CDK14: variants seen among roughly 807,000 people sequenced by gnomAD.
CDK14 encodes the protein cyclin-dependent kinase 14.
A neutral mutation model predicts 60.7 loss-of-function variants in CDK14; 34 were observed. The observed-to-expected ratio is 0.56, with a 90% CI of 0.43 to 0.75. CDK14 has a LOEUF of 0.75. CDK14 is among the 30% of genes least tolerant of loss of function. The pLI, the probability that CDK14 is intolerant of heterozygous loss-of-function variation, is 0.00. For missense variants in CDK14, 482 were observed against 564.1 expected (o/e 0.85, Z 1.47); for synonymous variants, 197 against 203.7 (o/e 0.97, Z 0.28).
At chr7:90,680,429 A>C (rs1016103304) in intron 2 of CDK14, among the ~76,000 whole-genome samples, 6 of 152,196 alleles carry the variant, frequency 3.9e-5, no homozygotes, top group Admixed American at 1.3e-4. Context: ...TGAATAGAAG[A>C]GCACCAGTTT....
chr7:90,683,085 C>T (rs1274024434), intron 2 of CDK14, among the ~76,000 whole-genome samples: 1 of 152,122 alleles, frequency 6.6e-6, no homozygotes, highest in Non-Finnish European at 1.5e-5. Context: ...ATACAGATGC[C>T]TTGCTCCTCA....
chr7:90,815,685 A>G (rs2117059315), intron 5 of CDK14, among the ~76,000 whole-genome samples: 1 of 152,382 alleles, frequency 6.6e-6, no homozygotes, highest in African/African-American at 2.4e-5. Context: ...CATCAACGAT[A>G]GACTGGATAA....
intron 6 of CDK14, among the ~76,000 whole-genome samples, chr7:90,864,401 T>TA (rs1791107774): frequency 6.6e-6 from 1 of 152,212 alleles, no homozygotes; most frequent in African/African-American, 2.4e-5. Context: ...GTTAATAATG[T>TA]ATTCCAGCTG....
intron 12 of CDK14, among the ~76,000 whole-genome samples, chr7:91,092,835 C>T (rs764957777): frequency 6.6e-6 from 1 of 152,142 alleles, no homozygotes; most frequent in Non-Finnish European, 1.5e-5. Context: ...AAAAGTCACT[C>T]CTTAAATTAC....
chr7:91,094,847 C>CA (rs1272573053), intron 12 of CDK14, among the ~76,000 whole-genome samples: 1 of 152,170 alleles, frequency 6.6e-6, no homozygotes, highest in Non-Finnish European at 1.5e-5. Context: ...CATTAGCACC[C>CA]AACCCCACAT....
chr7:91,133,525 T>C (rs1800177823), intron 14 of CDK14, among the ~76,000 whole-genome samples: 2 of 152,184 alleles, frequency 1.3e-5, no homozygotes, highest in Non-Finnish European at 2.9e-5. Flanking sequence ...TGAAATATGA[T>C]ACAGTCTTGA....
chr7:90,840,281 T>A (rs1187050797), intron 5 of CDK14, among the ~76,000 whole-genome samples: 1 of 152,108 alleles, frequency 6.6e-6, no homozygotes, highest in East Asian at 1.9e-4. Context: ...ATTGGCAGAG[T>A]GATTTTCCAG....
chr7:90,653,016 T>TTAC (rs1800676816), intron 2 of CDK14, among the ~76,000 whole-genome samples: 1 of 152,174 alleles, frequency 6.6e-6, no homozygotes, highest in Admixed American at 6.5e-5. Flanking sequence ...CCTGTGTGGA[T>TTAC]TACACCAGTG....
At chr7:91,116,680 C>G (rs1420416256) in intron 13 of CDK14, among the ~76,000 whole-genome samples, 2 of 152,128 alleles carry the variant, frequency 1.3e-5, no homozygotes. Context: ...GCTTTTGTGT[C>G]CACAACGCCT....
chr7:91,201,609 C>T (rs751084656), intron 14 of CDK14, among the ~76,000 whole-genome samples: 8 of 152,042 alleles, frequency 5.3e-5, no homozygotes, highest in Non-Finnish European at 1.0e-4. Context: ...ACACAGACCA[C>T]CTGATCACAT....
intron 9 of CDK14, among the ~76,000 whole-genome samples, chr7:90,972,260 A>C (rs1258411046): frequency 3.9e-5 from 6 of 152,236 alleles, no homozygotes; most frequent in Non-Finnish European, 1.5e-5. Flanking sequence ...CTAATGAAGC[A>C]CTAACCACAG....
intron 4 of CDK14, among the ~76,000 whole-genome samples, chr7:90,752,719 AGTTG>A (rs1244767750): frequency 6.6e-6 from 1 of 152,150 alleles, no homozygotes; most frequent in East Asian, 1.9e-4. Context: ...TGAAATCAAA[AGTTG>A]GTTCTTTGAA....
intron 12 of CDK14, 33 bp from the exon 13 acceptor site, chr7:91,112,509 G>T (rs758229206): frequency 6.2e-7 from 1 of 1,600,074 alleles, no homozygotes; most frequent in Non-Finnish European, 8.5e-7. Flanking sequence ...TTTCTTGTTT[G>T]GTCTGACCTC....
At chr7:90,640,283 G>A (rs868736499) in intron 2 of CDK14, among the ~76,000 whole-genome samples, 2 of 151,942 alleles carry the variant, frequency 1.3e-5, no homozygotes, top group Middle Eastern at 3.2e-3. Flanking sequence ...TCTTCCTTAT[G>A]TTTAATAACT....
At chr7:90,717,471 A>G (rs1378479482) in intron 2 of CDK14, among the ~76,000 whole-genome samples, 2 of 152,268 alleles carry the variant, frequency 1.3e-5, no homozygotes, top group Non-Finnish European at 2.9e-5. Context: ...AGCAGCATAA[A>G]GGAATGTGGT....
intron 8 of CDK14, among the ~76,000 whole-genome samples, chr7:90,944,888 T>A (rs1395680603): frequency 1.3e-5 from 2 of 152,204 alleles, no homozygotes; most frequent in Non-Finnish European, 2.9e-5. Flanking sequence ...GTTCATTACC[T>A]GGACCAGGAA....
intron 12 of CDK14, among the ~76,000 whole-genome samples, chr7:91,103,046 G>A (rs1432003556): frequency 6.6e-6 from 1 of 152,000 alleles, no homozygotes; most frequent in Non-Finnish European, 1.5e-5. Flanking sequence ...CTGAGTTCAG[G>A]GTTCGAGACC....
At position 90,808,167 on chromosome 7, in the gene CDK14, G is replaced by A. The variant is rs924819891; in HGVS notation, c.544+17515G>A. Among the ~76,000 whole-genome samples the A allele has an allele frequency of 4.3e-4, 65 of 152,140 alleles. 1 individual carries two copies. The highest frequency in any genetic ancestry group is 1.3e-3 in the African/African-American group (52 of 41,512). On this transcript the variant is annotated intron_variant, in intron 5 of 14. Coordinates refer to ENST00000380050, the MANE Select transcript of CDK14 (RefSeq NM_001287135.2). ...CAACTCCAAGACACATAATTGTCAGGTTCACCAAAGTTGAAATGAAGGAAA... is the reference window on the plus strand; with the variant it reads ...CAACTCCAAGACACATAATTGTCAGATTCACCAAAGTTGAAATGAAGGAAA...
chr7:90,841,449 C>G (rs933052726), intron 5 of CDK14, among the ~76,000 whole-genome samples: 1 of 151,868 alleles, frequency 6.6e-6, no homozygotes, highest in African/African-American at 2.4e-5. Context: ...AAACATAAAA[C>G]TGCTCTAAAA....
Sources: allele counts gnomAD v4.1 joint callset (sites outside exome capture counted in the v4.1 genomes callset), GRCh38; gene constraint gnomAD v4.1.1; transcripts MANE v1.5; gene names NCBI Gene and HGNC (gene_info 2026-07-23, HGNC 2026-07-21).